The following BCAP29 variants were observed in gnomAD, a reference collection of about 807,000 sequenced individuals.
BCAP29 encodes the protein B-cell receptor-associated protein 29.
A neutral mutation model predicts 31.8 loss-of-function variants in BCAP29; 34 were observed. The observed-to-expected ratio is 1.07, with a 90% confidence interval of 0.81 to 1.42. BCAP29 has a LOEUF of 1.42. Ranked by LOEUF, BCAP29 falls within the 40% of genes most tolerant of loss-of-function variation. The pLI is 0.00. For synonymous variants in BCAP29, 104 were observed against 91.3 expected, an observed-to-expected ratio of 1.14 and a Z score of -0.79; for missense variants, 314 against 269.2, an observed-to-expected ratio of 1.17 and a Z score of -1.16.
At chr7:107,600,622 A>G (rs1811006617) in intron 6 of BCAP29, 117 bp downstream of exon 6, 1 of 567,366 alleles carries the variant, frequency 1.8e-6, no homozygotes, top group Non-Finnish European at 3.1e-6. Context: ...GATACCGAGA[A>G]TGACCTATTT....
chr7:107,587,525 G>T (rs1019840275), intron 3 of BCAP29: 1 of 152,016 alleles, frequency 6.6e-6, no homozygotes, highest in South Asian at 2.1e-4. Context: ...AAAATAAGTC[G>T]TAAATATATA....
chr7:107,602,993 T>C (rs1237462337), intron 6 of BCAP29, among the ~76,000 whole-genome samples: 1 of 128,274 alleles, frequency 7.8e-6, no homozygotes, highest in Non-Finnish European at 1.6e-5. Context: ...TTTTTTGAGA[T>C]GAAGTCTCAC....
rs763940097 is a variant in BCAP29, at chr7:107,580,776, A to T, written c.4A>T (p.Thr2Ser). 2 of 1,594,772 alleles carry T rather than the reference A, an allele frequency of 1.3e-6. No individual in the cohort carries two copies. The highest frequency in any genetic ancestry group is 1.7e-6 in the Non-Finnish European group (2 of 1,172,178). ...CCATTTAGGTGTGAAGAAAAAAATGACACTCCAATGGGCTGCAGTGGCAAC... is the reference window on the plus strand; with the variant it reads ...CCATTTAGGTGTGAAGAAAAAAATGTCACTCCAATGGGCTGCAGTGGCAAC... M[T>S]LQWAAVATFL... The change falls in exon 2 of 8, where the codon ACA becomes TCA. Residue 2 changes from threonine to serine, a missense_variant. Transcript: ENST00000005259.
chr7:107,588,323 T>C (rs1158354779), intron 3 of BCAP29, among the ~76,000 whole-genome samples: 1 of 152,180 alleles, frequency 6.6e-6, no homozygotes, highest in African/African-American at 2.4e-5. Context: ...TGGAACTAGA[T>C]AGAGGTGGTA....
intron 3 of BCAP29, among the ~76,000 whole-genome samples, chr7:107,590,829 A>G (rs372669458): frequency 6.7e-5 from 7 of 104,212 alleles, no homozygotes; most frequent in South Asian, 2.9e-4. Context: ...AGAAAAAAAA[A>G]AAAAAAAGAA....
At position 107,619,893 on chromosome 7, in the gene BCAP29, C is replaced by G. The variant is rs1409981898; in HGVS notation, c.*1530C>G. The G allele has an allele frequency of 6.6e-6, 1 of 152,188 alleles. No homozygotes were observed. Among genetic ancestry groups the G allele is most frequent in the Non-Finnish European group, 1.5e-5 (1 of 68,024 alleles). The allele number at this position is 152,188 out of a possible 1,614,324, so 9.4% of individuals were successfully genotyped here. A position where few individuals can be genotyped will look rare whatever the true frequency, so the allele number is the denominator to read the frequency against. Reference sequence around the variant, plus strand: ...GCTTTAAAATGGGCAGAGTTAAAATCTATTCCCAGCTTTATCACTTATTTA... The same window carrying G: ...GCTTTAAAATGGGCAGAGTTAAAATGTATTCCCAGCTTTATCACTTATTTA... On this transcript the variant is annotated 3_prime_UTR_variant, in exon 8 of 8. Transcript: ENST00000005259.
chr7:107,590,514 G>T (rs963733171), intron 3 of BCAP29, among the ~76,000 whole-genome samples: 1 of 152,078 alleles, frequency 6.6e-6, no homozygotes, highest in African/African-American at 2.4e-5. Context: ...CAGATGACAC[G>T]ATTATTTATA....
intron 3 of BCAP29, among the ~76,000 whole-genome samples, chr7:107,593,736 GC>G (rs1809298626): frequency 6.6e-6 from 1 of 152,130 alleles, no homozygotes; most frequent in South Asian, 2.1e-4. Flanking sequence ...TTTTAAAAAT[GC>G]TATAGTAATT....
chr7:107,602,674 G>T (rs967375029), intron 6 of BCAP29, among the ~76,000 whole-genome samples: 2 of 151,890 alleles, frequency 1.3e-5, no homozygotes, highest in African/African-American at 4.8e-5. Context: ...GAAACAAAAC[G>T]TAAATACAAA....
chr7:107,583,853 A>C, intron 2 of BCAP29, 29 bp from the exon 3 acceptor site: 1 of 1,188,912 alleles, frequency 8.4e-7, no homozygotes, highest in South Asian at 1.6e-5. Context: ...TAGTTTTTTT[A>C]TACCTAATAT....
intron 6 of BCAP29, among the ~76,000 whole-genome samples, chr7:107,606,196 T>C (rs1455979276): frequency 1.3e-5 from 2 of 152,200 alleles, no homozygotes; most frequent in African/African-American, 4.8e-5. Flanking sequence ...ATGAATTACA[T>C]TGCAAAATCT....
chr7:107,580,728 A>G (rs774578174), intron 1 of BCAP29, 31 bp from the exon 2 acceptor site: 2 of 1,489,726 alleles, frequency 1.3e-6, no homozygotes, highest in Non-Finnish European at 1.8e-6. Flanking sequence ...TTTGAAAGGA[A>G]GCAAGAGAAA....
chr7:107,592,563 C>A (rs776473572), intron 3 of BCAP29, among the ~76,000 whole-genome samples: 26 of 152,276 alleles, frequency 1.7e-4, no homozygotes, highest in Middle Eastern at 3.4e-3. Flanking sequence ...ACCATATGGC[C>A]CAGCAGTTCA....
At chr7:107,605,582 G>A (rs1362847041) in intron 6 of BCAP29, among the ~76,000 whole-genome samples, 3 of 152,226 alleles carry the variant, frequency 2.0e-5, no homozygotes, top group Admixed American at 6.5e-5. Flanking sequence ...TGTTCTGAGT[G>A]AGAAGAGCAA....
Position 107,600,486 on chromosome 7 carries a change from A to T in BCAP29, c.570A>T (p.Glu190Asp). The T allele has an allele frequency of 6.3e-7, 1 of 1,598,112 alleles. No individual in the cohort carries two copies. The highest frequency in any genetic ancestry group is 8.6e-7 in the Non-Finnish European group (1 of 1,167,340). ...AAGACCAGGAGAAACTGAAAACTGA[A>T]TTAAGGAAGACTTCAGATGGTAACT... is the stretch of plus-strand genomic sequence containing the variant. Reference protein sequence around the residue: ...LVEDQEKLKTELRKTSDALSK... With the variant: ...LVEDQEKLKTDLRKTSDALSK... Residue 190 changes from glutamate (E) to aspartate (D), a missense_variant, in exon 6 of 8, where the codon GAA becomes GAT. Glu to Asp is a conservative substitution (Grantham distance 45, BLOSUM62 2). Coordinates refer to ENST00000005259, the MANE Select transcript of BCAP29 (RefSeq NM_018844.4).
intron 5 of BCAP29, among the ~76,000 whole-genome samples, chr7:107,596,417 G>A (rs960085252): frequency 6.6e-5 from 10 of 151,986 alleles, no homozygotes; most frequent in African/African-American, 2.4e-4. Flanking sequence ...TAAATGATTG[G>A]TTTATAGAAA....
At chr7:107,621,945 C>T (rs1815013774), downstream of BCAP29, 1 of 525,048 alleles carries the variant, frequency 1.9e-6, no homozygotes, top group Admixed American at 2.0e-5. Context: ...CTGTAATGGC[C>T]TGAACTGAAT....
intron 3 of BCAP29, among the ~76,000 whole-genome samples, chr7:107,590,620 C>T (rs2129225294): frequency 6.6e-6 from 1 of 152,100 alleles, no homozygotes; most frequent in South Asian, 2.1e-4. Context: ...GAGTTGCAGA[C>T]CATCCTGGGC....
chr7:107,621,674 G>T, downstream of BCAP29: 2 of 471,446 alleles, frequency 4.2e-6, no homozygotes, highest in South Asian at 3.1e-5. Flanking sequence ...AAAGCACAGT[G>T]ACCACAGAGG....
Sources: gnomAD v4.1 joint callset for allele counts (sites outside exome capture counted in the v4.1 genomes callset) on GRCh38, gnomAD v4.1.1 for gene constraint, MANE v1.5 for transcripts, NCBI Gene and HGNC (gene_info 2026-07-23, HGNC 2026-07-21) for gene names.